The following EZR variants were observed in gnomAD, a reference collection of about 807,000 sequenced individuals.
EZR encodes the protein cytovillin 2.
EZR carries 40 observed loss-of-function variants against 74.8 expected under a neutral mutation model. The observed-to-expected ratio is 0.53, with a 90% CI of 0.42 to 0.70. The LOEUF is 0.70. Ranked by LOEUF, EZR falls within the 30% of genes least tolerant of loss-of-function variation. The pLI is 0.00. For synonymous variants in EZR, 341 were observed against 283.3 expected (o/e 1.20, Z -2.05); for missense variants, 678 against 755.8 (o/e 0.90, Z 1.21).
chr6:158,776,345 G>A (rs1345981350), intron 8 of EZR, 63 bp downstream of exon 8: 19 of 1,343,068 alleles, frequency 1.4e-5, no homozygotes, highest in East Asian at 6.9e-5. Flanking sequence ...TAACTTGTCC[G>A]TTACCCTGAC....
intron 8 of EZR, among the ~76,000 whole-genome samples, chr6:158,774,487 C>T (rs780937029): frequency 3.3e-5 from 5 of 151,972 alleles, no homozygotes; most frequent in Non-Finnish European, 5.9e-5. Flanking sequence ...GTTGATGGTG[C>T]ACACAGCCCT....
At chr6:158,804,628 A>G (rs1777289200) in intron 2 of EZR, among the ~76,000 whole-genome samples, 1 of 152,238 alleles carries the variant, frequency 6.6e-6, no homozygotes, top group African/African-American at 2.4e-5. Context: ...ATTATATGCT[A>G]GAGTCGGTTT....
chr6:158,776,264 C>T (rs936701795), intron 8 of EZR, 144 bp downstream of exon 8: 9 of 703,406 alleles, frequency 1.3e-5, no homozygotes, highest in East Asian at 1.0e-4. Context: ...AATTGCCTGG[C>T]CCACAGGATC....
At chr6:158,794,152 CCATA>C (rs1777006453) in intron 2 of EZR, among the ~76,000 whole-genome samples, 1 of 152,140 alleles carries the variant, frequency 6.6e-6, no homozygotes, top group Non-Finnish European at 1.5e-5. Context: ...TACCACGTGC[CCATA>C]CATAGTCCCA....
At chr6:158,794,609 G>T (rs560219665) in intron 2 of EZR, among the ~76,000 whole-genome samples, 1 of 152,086 alleles carries the variant, frequency 6.6e-6, no homozygotes, top group African/African-American at 2.4e-5. Context: ...GAAAAAGAGC[G>T]CGTGGTCTGC....
chr6:158,809,680 ATTAGTCCAGCCATAAAATATATACAAG>A lies in EZR; in HGVS notation c.12+8375_12+8401del, dbSNP rs527342117. Reference sequence around the variant, plus strand: ...CAATGGGGTGGATCTGCTTCCAAATATTAGTCCAGCCATAAAATATATACAAGGTTAGAATAAATGCTTAACAATAAT... The same window carrying A: ...CAATGGGGTGGATCTGCTTCCAAATAGTTAGAATAAATGCTTAACAATAAT... On this transcript the variant is annotated intron_variant, in intron 2 of 13. Transcript: ENST00000367075. 1.8e-4 allele frequency among the ~76,000 whole-genome samples: 28 copies of A among 152,336 alleles called. 1 individual carries two copies. In the South Asian group the frequency reaches 5.0e-3, roughly 27 times the overall value.
At chr6:158,782,670 C>A (rs913159953) in intron 7 of EZR, among the ~76,000 whole-genome samples, 3 of 152,198 alleles carry the variant, frequency 2.0e-5, no homozygotes, top group Non-Finnish European at 4.4e-5. Context: ...TTCGGGGAGC[C>A]CTGCAGAGCA....
In EZR at chr6:158,807,329, AAAAC is replaced by A. The variant is rs1335925707; in HGVS notation, c.12+10749_12+10752del. 7.4e-5 allele frequency among the ~76,000 whole-genome samples: 11 copies of A among 149,484 alleles called. No individual in the cohort carries two copies. In the East Asian group the frequency reaches 1.4e-3, roughly 19 times the overall value. ...GACTCCGTCTCAAAAAAAAAAAAAAAAAACAAACAAAAAAGACAAGGCTGGATCC... is the reference window on the plus strand; with the variant it reads ...GACTCCGTCTCAAAAAAAAAAAAAAAAAACAAAAAAGACAAGGCTGGATCC... On this transcript the variant is annotated intron_variant, in intron 2 of 13. Transcript: ENST00000367075.
chr6:158,784,550 CAG>C, intron 6 of EZR, 92 bp downstream of exon 6: 1 of 1,146,174 alleles, frequency 8.7e-7, no homozygotes, highest in Non-Finnish European at 1.3e-6. Context: ...AGGCCTGACA[CAG>C]AGCCCTTTAA....
rs556309203 is a variant in EZR, at chr6:158,768,029, C to T, written c.1345-517G>A. Among the ~76,000 whole-genome samples the T allele has an allele frequency of 4.6e-5, 7 of 151,916 alleles. No individual in the cohort carries two copies. The East Asian group carries it at 7.8e-4, about 17-fold the overall frequency. On this transcript the variant is annotated intron_variant, in intron 12 of 13. Coordinates refer to ENST00000367075, the MANE Select transcript of EZR (RefSeq NM_001111077.2). ...CAAAAACCTAAGAACCAAAGTCTTC[C>T]GCTTGCAACTTGGGATGGTGATATG...
intron 2 of EZR, among the ~76,000 whole-genome samples, chr6:158,814,049 C>G (rs1204022309): frequency 6.6e-6 from 1 of 152,142 alleles, no homozygotes; most frequent in Non-Finnish European, 1.5e-5. Flanking sequence ...GACCAATGAT[C>G]TGAGCACCAA....
Position 158,775,268 on chromosome 6 carries a change from G to A in EZR, c.795+1140C>T, listed in dbSNP as rs186969281. 1.8e-3 allele frequency among the ~76,000 whole-genome samples: 271 copies of A among 152,168 alleles called. 1 individual carries two copies. Among genetic ancestry groups the A allele is most frequent in the African/African-American group, 6.4e-3 (264 of 41,510 alleles). ...AGGCTGGTCTCGAACTCCTGACCTC[G>A]TGATTCGGCCATCTCAGCCTCCCAA... On this transcript the variant is annotated intron_variant, in intron 8 of 13. Coordinates refer to ENST00000367075, the MANE Select transcript of EZR (RefSeq NM_001111077.2).
chr6:158,799,326 G>A (rs1312120993), intron 2 of EZR, among the ~76,000 whole-genome samples: 1 of 152,210 alleles, frequency 6.6e-6, no homozygotes, highest in Non-Finnish European at 1.5e-5. Flanking sequence ...CACAGCTGAT[G>A]CCAAGGTCAC....
chr6:158,815,652 AAC>A (rs896645608), intron 2 of EZR, among the ~76,000 whole-genome samples: 2 of 152,150 alleles, frequency 1.3e-5, no homozygotes, highest in African/African-American at 4.8e-5. Context: ...TTTTTGTAGA[AAC>A]AGAGTCTATG....
intron 12 of EZR, among the ~76,000 whole-genome samples, chr6:158,769,121 CA>C (rs1470577694): frequency 6.6e-6 from 1 of 152,230 alleles, no homozygotes; most frequent in East Asian, 1.9e-4. Flanking sequence ...TGTACAAAGT[CA>C]AACCCATCTC....
At chr6:158,812,196 T>C (rs902283606) in intron 2 of EZR, among the ~76,000 whole-genome samples, 3 of 152,194 alleles carry the variant, frequency 2.0e-5, no homozygotes, top group African/African-American at 7.2e-5. Flanking sequence ...TCCTAGCCCC[T>C]ATTCGAGTCC....
chr6:158,818,065 G>T lies in EZR; in HGVS notation c.12+17C>A. On this transcript the variant is annotated intron_variant, in intron 2 of 13. Coordinates refer to ENST00000367075, the MANE Select transcript of EZR (RefSeq NM_001111077.2). ...AAGCCTCTCCCGTCCGCCCGGCCCAGAAACTGGGCAACTTACTGGTTTCGG... is the reference window on the plus strand; with the variant it reads ...AAGCCTCTCCCGTCCGCCCGGCCCATAAACTGGGCAACTTACTGGTTTCGG... The T allele has an allele frequency of 6.2e-7, 1 of 1,609,142 alleles. No individual in the cohort carries two copies. The highest frequency in any genetic ancestry group is 2.2e-5 in the East Asian group (1 of 44,718).
chr6:158,769,739 C>T (rs775880326), intron 11 of EZR, 45 bp downstream of exon 11: 1 of 1,604,836 alleles, frequency 6.2e-7, no homozygotes, highest in South Asian at 1.1e-5. Context: ...TCCTCAGAAG[C>T]AGCCTCTCTA....
chr6:158,766,290 CTG>C lies in EZR; in HGVS notation c.*622_*623del, dbSNP rs889311838. The C allele has an allele frequency of 2.3e-4, 32 of 139,960 alleles. No individual in the cohort carries two copies. Among genetic ancestry groups the C allele is most frequent in the African/African-American group, 7.0e-4 (26 of 37,184 alleles). The allele number at this position is 139,960 out of a possible 1,614,324, so 8.7% of individuals were successfully genotyped here. A position where few individuals can be genotyped will look rare whatever the true frequency, so the allele number is the denominator to read the frequency against. On this transcript the variant is annotated 3_prime_UTR_variant, in exon 14 of 14. Coordinates refer to ENST00000367075, the MANE Select transcript of EZR (RefSeq NM_001111077.2). Reference sequence around the variant, plus strand: ...TGTATAAGTACAATGTATTCTAAAACTGTTAAGCAAAAAAAAAAAAAACAAAA... The same window carrying C: ...TGTATAAGTACAATGTATTCTAAAACTTAAGCAAAAAAAAAAAAAACAAAA...
Sources: allele counts gnomAD v4.1 joint callset (sites outside exome capture counted in the v4.1 genomes callset), GRCh38; gene constraint gnomAD v4.1.1; transcripts MANE v1.5; gene names NCBI Gene and HGNC (gene_info 2026-07-23, HGNC 2026-07-21).